ARHGAP26: variants seen among roughly 807,000 people sequenced by gnomAD.
The protein encoded by ARHGAP26 is rho GTPase-activating protein 26.
In ARHGAP26, 38 loss-of-function variants were observed where a neutral mutation model predicts 104.8. The observed-to-expected ratio is 0.36, with a 90% CI of 0.28 to 0.48. The LOEUF is 0.48. Among genes scored for constraint, ARHGAP26 ranks in the 20% least tolerant of loss-of-function variants. The pLI is 0.99. For missense variants in ARHGAP26, 704 were observed against 947.9 expected, an observed-to-expected ratio of 0.74 and a Z score of 3.38; for synonymous variants, 341 against 340.0, an observed-to-expected ratio of 1.00 and a Z score of -0.03.
At chr5:143,076,761 C>T (rs1438721154) in intron 17 of ARHGAP26, among the ~76,000 whole-genome samples, 1 of 152,194 alleles carries the variant, frequency 6.6e-6, no homozygotes, top group Non-Finnish European at 1.5e-5. Context: ...AGGGTATACT[C>T]TAATTTTTCA....
chr5:143,025,920 T>C (rs1476487304), intron 12 of ARHGAP26, among the ~76,000 whole-genome samples: 3 of 152,168 alleles, frequency 2.0e-5, no homozygotes, highest in African/African-American at 7.2e-5. Context: ...CTTTACTCTA[T>C]GTCTCTTTCA....
intron 10 of ARHGAP26, among the ~76,000 whole-genome samples, chr5:142,923,279 C>G (rs572761261): frequency 1.9e-4 from 29 of 151,964 alleles, no homozygotes; most frequent in Admixed American, 1.9e-3. Context: ...TTACCAATTT[C>G]TAAATATAAA....
chr5:143,020,293 C>G (rs1342049521), intron 12 of ARHGAP26, among the ~76,000 whole-genome samples: 1 of 152,278 alleles, frequency 6.6e-6, no homozygotes, highest in South Asian at 2.1e-4. Flanking sequence ...ATATGAGTAC[C>G]GAGAGGTAAG....
chr5:143,057,962 GC>G lies in ARHGAP26; in HGVS notation c.1538+216del. 7.4e-6 allele frequency: 5 copies of G among 679,374 alleles called. No individual in the cohort carries two copies. The South Asian group carries it at 7.5e-5, about 10-fold the overall frequency. 42.1% of individuals were successfully genotyped at this position (679,374 alleles called of 1,614,324 possible). On this transcript the variant is annotated intron_variant, in intron 17 of 22. Transcript: ENST00000645722. ...CAGAGGATGCTGGGGAAGTGCTCAT[GC>G]AACCAGGCCACCAAGCAGAGTTTTC...
chr5:143,040,147 A>G (rs914913769), intron 13 of ARHGAP26, among the ~76,000 whole-genome samples: 5 of 152,234 alleles, frequency 3.3e-5, no homozygotes, highest in African/African-American at 1.2e-4. Flanking sequence ...AGACTTTTCA[A>G]GCCCACAAGC....
Position 143,134,073 on chromosome 5 carries a change from C to T in ARHGAP26, c.1805C>T (p.Thr602Met), listed in dbSNP as rs770272847. Reference sequence around the variant, plus strand: ...CCGTCCTGCAGCGAGAGGCCCCTGACGCTCTTCCACACCGTTCAGTCAACA... The same window carrying T: ...CCGTCCTGCAGCGAGAGGCCCCTGATGCTCTTCCACACCGTTCAGTCAACA... ...KPPSCSERPL[T>M]LFHTVQSTEK... The change falls in exon 19 of 23, where the codon ACG (threonine) becomes ATG (methionine). Residue 602 changes from threonine to methionine, a missense_variant. This residue lies in a region of ARHGAP26 where 217 missense variants were observed against 242.6 expected (regional missense o/e 0.89). Coordinates refer to ENST00000645722, the MANE Select transcript of ARHGAP26 (RefSeq NM_001135608.3). The T allele has an allele frequency of 4.2e-5, 68 of 1,612,316 alleles. No individual in the cohort carries two copies. The African/African-American group carries it at 5.5e-4, about 13-fold the overall frequency.
Position 142,913,200 on chromosome 5 carries a change from G to A in ARHGAP26, c.935G>A (p.Gly312Glu), listed in dbSNP as rs151331335. 2 of 1,613,808 alleles carry A rather than the reference G, an allele frequency of 1.2e-6. No homozygotes were observed. Among genetic ancestry groups the A allele is most frequent in the Non-Finnish European group, 1.7e-6 (2 of 1,179,844 alleles). Reference protein sequence around the residue: ...PFDQKSGGKGGEDESVILKSC... With the variant: ...PFDQKSGGKGEEDESVILKSC... ...TGATAGTCTGTGTGTTCCCACTAGG[G>A]AGAAGATGAATCAGTTATCCTCAAA... is the stretch of plus-strand genomic sequence containing the variant. The change falls in exon 10 of 23, where the codon GGA (glycine) becomes GAA (glutamate). Residue 312 changes from glycine (G) to glutamate (E), a missense_variant and splice_region_variant. Physicochemically the swap from Gly to Glu is moderately conservative, Grantham distance 98 (BLOSUM62 -2). Around this residue, in one of 6 missense-constraint regions of ARHGAP26, gnomAD observed 287 missense variants for 438.8 expected, o/e 0.65. Transcript: ENST00000645722.
chr5:143,008,194 A>G (rs1778255447), intron 11 of ARHGAP26, among the ~76,000 whole-genome samples: 1 of 152,238 alleles, frequency 6.6e-6, no homozygotes, highest in African/African-American at 2.4e-5. Flanking sequence ...TATTACAACA[A>G]TCCTAAGTGG....
chr5:142,847,736 G>A (rs187459577), intron 1 of ARHGAP26, among the ~76,000 whole-genome samples: 61 of 152,378 alleles, frequency 4.0e-4, no homozygotes, highest in Non-Finnish European at 7.5e-4. Context: ...AGCAGCACCT[G>A]TGTTGTATGG....
At chr5:143,167,103 C>T (rs1225838283) in intron 20 of ARHGAP26, among the ~76,000 whole-genome samples, 1 of 152,034 alleles carries the variant, frequency 6.6e-6, no homozygotes, top group Non-Finnish European at 1.5e-5. Flanking sequence ...AATTTTCTCA[C>T]CTCAAGTAAA....
intron 12 of ARHGAP26, among the ~76,000 whole-genome samples, chr5:143,025,552 A>T (rs1780927786): frequency 6.6e-6 from 1 of 152,226 alleles, no homozygotes; most frequent in African/African-American, 2.4e-5. Flanking sequence ...GCCACTGTGT[A>T]ATTCATTCTC....
In ARHGAP26 at chr5:143,126,558, T is replaced by C. The variant is rs528015674; in HGVS notation, c.1698+5411T>C. On this transcript the variant is annotated intron_variant, in intron 18 of 22. Coordinates refer to ENST00000645722, the MANE Select transcript of ARHGAP26 (RefSeq NM_001135608.3). ...CACAATAGAGTTAACCATACTGTTC[T>C]AAACTTGCAGCTCAGATAGTGTCAC... Among the ~76,000 whole-genome samples the C allele has an allele frequency of 3.9e-5, 6 of 152,366 alleles. No homozygotes were observed. The South Asian group carries it at 1.2e-3, about 32-fold the overall frequency.
chr5:142,802,191 G>A (rs376086374), intron 1 of ARHGAP26, among the ~76,000 whole-genome samples: 16 of 152,312 alleles, frequency 1.1e-4, no homozygotes, highest in East Asian at 5.8e-4. Flanking sequence ...TGGTGATGAA[G>A]GCTATAAACA....
At chr5:143,195,971 T>TA (rs1465967429) in intron 20 of ARHGAP26, among the ~76,000 whole-genome samples, 1 of 152,102 alleles carries the variant, frequency 6.6e-6, no homozygotes, top group Non-Finnish European at 1.5e-5. Flanking sequence ...CAAGCGACTC[T>TA]AAAAAAATAA....
At chr5:143,137,922 G>T (rs970683456) in intron 19 of ARHGAP26, among the ~76,000 whole-genome samples, 3 of 152,218 alleles carry the variant, frequency 2.0e-5, no homozygotes, top group African/African-American at 7.2e-5. Flanking sequence ...ATTGTCATTT[G>T]CCTCTTCCTT....
intron 17 of ARHGAP26, among the ~76,000 whole-genome samples, chr5:143,061,159 G>A (rs1409585250): frequency 6.6e-6 from 1 of 152,132 alleles, no homozygotes; most frequent in Non-Finnish European, 1.5e-5. Context: ...GTGGATCCTT[G>A]TGCCAATTTT....
At chr5:142,770,994 C>G in intron 1 of ARHGAP26, 79 bp downstream of exon 1, 1 of 1,479,796 alleles carries the variant, frequency 6.8e-7, no homozygotes, top group Non-Finnish European at 9.1e-7. Flanking sequence ...GGGTTGCCCG[C>G]GCGTCTGCCG....
intron 12 of ARHGAP26, among the ~76,000 whole-genome samples, chr5:143,033,269 T>C (rs1190394937): frequency 6.6e-6 from 1 of 152,208 alleles, no homozygotes; most frequent in Non-Finnish European, 1.5e-5. Context: ...TTCAAACAAA[T>C]TGGAGAATCT....
At chr5:142,816,121 G>A (rs565540063) in intron 1 of ARHGAP26, among the ~76,000 whole-genome samples, 1 of 152,202 alleles carries the variant, frequency 6.6e-6, no homozygotes, top group African/African-American at 2.4e-5. Context: ...GTAGGACTCT[G>A]ATTCTTTCCC....
Sources: gnomAD v4.1 joint callset for allele counts (sites outside exome capture counted in the v4.1 genomes callset) on GRCh38, gnomAD v4.1.1 for gene constraint, gnomAD v4.1.1 regional missense constraint, MANE v1.5 for transcripts, NCBI Gene and HGNC (gene_info 2026-07-23, HGNC 2026-07-21) for gene names.